UNC13C: variants seen among roughly 807,000 people sequenced by gnomAD.
The protein encoded by UNC13C is unc-13 homolog C, also known as protein unc-13 homolog C.
A neutral mutation model predicts 245.4 loss-of-function variants in UNC13C; 174 were observed. The ratio of observed to expected loss-of-function variants is 0.71; its 90% CI spans 0.63 to 0.80. UNC13C has a LOEUF of 0.80. UNC13C is among the 30% of genes least tolerant of loss of function. UNC13C has a pLI of 0.00. For synonymous variants in UNC13C, 992 were observed against 895.1 expected, an observed-to-expected ratio of 1.11 and a Z score of -1.93; for missense variants, 2,829 against 2,602.9, an observed-to-expected ratio of 1.09 and a Z score of -1.89.
At chr15:54,025,292 A>G (rs1896063260) in intron 2 of UNC13C, among the ~76,000 whole-genome samples, 1 of 152,192 alleles carries the variant, frequency 6.6e-6, no homozygotes, top group Non-Finnish European at 1.5e-5. Context: ...TGTGTTTTAT[A>G]TAGCATTGGC....
intron 2 of UNC13C, among the ~76,000 whole-genome samples, chr15:54,076,938 G>T (rs1898659530): frequency 6.6e-6 from 1 of 152,126 alleles, no homozygotes; most frequent in Admixed American, 6.5e-5. Context: ...TGGTCTTTAT[G>T]AATTGTTATA....
intron 2 of UNC13C, chr15:54,049,307 G>A: frequency 1.9e-6 from 1 of 522,322 alleles, no homozygotes; most frequent in African/African-American, 2.0e-5. Context: ...GAAATAAAGG[G>A]CCCTTCATAT....
chr15:54,288,785 G>T (rs2037216150), intron 10 of UNC13C, among the ~76,000 whole-genome samples: 1 of 151,986 alleles, frequency 6.6e-6, no homozygotes, highest in Non-Finnish European at 1.5e-5. Flanking sequence ...CAGGAGACGG[G>T]CTCTAAGACA....
intron 14 of UNC13C, among the ~76,000 whole-genome samples, chr15:54,323,934 A>G (rs997970675): frequency 3.9e-5 from 6 of 152,034 alleles, no homozygotes; most frequent in Non-Finnish European, 8.8e-5. Context: ...CATAAAAACT[A>G]CCTAGAGGAA....
At chr15:54,043,297 T>C (rs780778303) in intron 2 of UNC13C, among the ~76,000 whole-genome samples, 10 of 152,180 alleles carry the variant, frequency 6.6e-5, no homozygotes, top group Non-Finnish European at 1.5e-4. Context: ...TTGGGCAACA[T>C]TTACACTGCA....
intron 13 of UNC13C, chr15:54,321,119 C>T (rs542125609): frequency 1.4e-5 from 7 of 514,912 alleles, no homozygotes; most frequent in African/African-American, 7.7e-5. Context: ...CTGGGTGAGG[C>T]ACTAGCCATC....
At chr15:54,226,940 C>T (rs1229259805) in intron 4 of UNC13C, among the ~76,000 whole-genome samples, 4 of 152,090 alleles carry the variant, frequency 2.6e-5, no homozygotes, top group African/African-American at 9.7e-5. Context: ...CAGCTCTTCT[C>T]CTTCTCATTA....
chr15:54,616,379 C>T (rs1408309604), intron 30 of UNC13C, among the ~76,000 whole-genome samples: 1 of 148,188 alleles, frequency 6.7e-6, no homozygotes, highest in East Asian at 1.9e-4. Flanking sequence ...ATTATAATAA[C>T]ATAACACCAC....
the UNC13C span, among the ~76,000 whole-genome samples, chr15:53,883,519 C>T: frequency 6.6e-6 from 1 of 152,134 alleles, no homozygotes; most frequent in Admixed American, 6.5e-5. Context: ...GGACCAAATG[C>T]CAATCGGGTC....
chr15:54,069,308 A>C (rs1363113087), intron 2 of UNC13C, among the ~76,000 whole-genome samples: 1 of 152,204 alleles, frequency 6.6e-6, no homozygotes, highest in Non-Finnish European at 1.5e-5. Flanking sequence ...CTATGATACC[A>C]GTCTATGACA....
chr15:53,952,358 C>G, the UNC13C span, among the ~76,000 whole-genome samples: 1 of 152,108 alleles, frequency 6.6e-6, no homozygotes, highest in South Asian at 2.1e-4. Context: ...CTTGCTTGCT[C>G]AAGGTTACAC....
chr15:54,130,962 C>CT (rs1467055889), intron 2 of UNC13C, among the ~76,000 whole-genome samples: 1 of 152,210 alleles, frequency 6.6e-6, no homozygotes, highest in Non-Finnish European at 1.5e-5. Context: ...TTAGCATCCC[C>CT]TGTCCCTAGC....
Position 54,014,948 on chromosome 15 carries a change from G to C in UNC13C, c.2045G>C (p.Ser682Thr). 6.2e-7 allele frequency: 1 copy of C among 1,613,862 alleles called. No individual in the cohort carries two copies. The change falls in exon 2 of 33, where the codon AGT (serine) becomes ACT (threonine). Residue 682 changes from serine (S) to threonine (T), a missense_variant. Ser to Thr is a moderately conservative substitution (Grantham distance 58). Transcript: ENST00000260323. ...GAAGGTTTTGATTATGAAACAAACAGTCTTTTTGACCAACAGCTTGATGTT... is the reference window on the plus strand; with the variant it reads ...GAAGGTTTTGATTATGAAACAAACACTCTTTTTGACCAACAGCTTGATGTT... Reference protein sequence around the residue: ...TQEGFDYETNSLFDQQLDVYN... With the variant: ...TQEGFDYETNTLFDQQLDVYN...
chr15:54,534,367 A>G (rs1299682758), intron 26 of UNC13C, among the ~76,000 whole-genome samples: 1 of 152,212 alleles, frequency 6.6e-6, no homozygotes, highest in Admixed American at 6.5e-5. Context: ...ACTGAACCCA[A>G]TATATACCAC....
chr15:53,927,849 G>A, the UNC13C span, among the ~76,000 whole-genome samples: 1 of 152,174 alleles, frequency 6.6e-6, no homozygotes, highest in African/African-American at 2.4e-5. Flanking sequence ...GAGAATTCCA[G>A]GGAGAGCCAG....
At chr15:54,334,037 C>G (rs570259529) in intron 16 of UNC13C, among the ~76,000 whole-genome samples, 181 bp downstream of exon 16, 98 of 152,188 alleles carry the variant, frequency 6.4e-4, no homozygotes, top group African/African-American at 2.3e-3. Context: ...AAGAGATTAT[C>G]CTAGACACTT....
chr15:54,153,639 A>C (rs2032620485), intron 4 of UNC13C, among the ~76,000 whole-genome samples: 1 of 152,094 alleles, frequency 6.6e-6, no homozygotes, highest in Middle Eastern at 3.2e-3. Flanking sequence ...ATTGTACTGT[A>C]CACTTACATT....
At chr15:54,232,220 G>T (rs770379569) in intron 4 of UNC13C, among the ~76,000 whole-genome samples, 1 of 152,058 alleles carries the variant, frequency 6.6e-6, no homozygotes, top group Non-Finnish European at 1.5e-5. Flanking sequence ...ATGTTTTGAG[G>T]CTATCTGTGA....
rs891181154 is a variant in UNC13C at position 54,014,978 on chromosome 15, A to G, written c.2075A>G (p.Asn692Ser). The part of the protein sequence containing the change: ...SLFDQQLDVY[N>S]KDLEYLGKCH... ...TTTGACCAACAGCTTGATGTTTACA[A>G]TAAAGACCTAGAATACTTGGGAAAG... Residue 692 changes from asparagine (N) to serine (S), a missense_variant, in exon 2 of 33, where the codon AAT becomes AGT. Asn to Ser is a conservative substitution (Grantham distance 46, BLOSUM62 1). Transcript: ENST00000260323. 1 of 1,613,818 alleles carries G rather than the reference A, an allele frequency of 6.2e-7. No individual in the cohort carries two copies.
Sources: allele counts gnomAD v4.1 joint callset (sites outside exome capture counted in the v4.1 genomes callset), GRCh38; gene constraint gnomAD v4.1.1; transcripts MANE v1.5; gene names NCBI Gene and HGNC (gene_info 2026-07-23, HGNC 2026-07-21).